FGF12: variants seen among roughly 807,000 people sequenced by gnomAD.
The protein encoded by FGF12 is fibroblast growth factor 12B.
FGF12 carries 14 observed loss-of-function variants against 23.6 expected under a neutral mutation model. The ratio of observed to expected loss-of-function variants is 0.59; its 90% CI spans 0.39 to 0.93. The LOEUF (loss-of-function observed/expected upper bound fraction) is 0.93, where lower values mean the gene tolerates loss of function less well. FGF12 is among the 40% of genes least tolerant of loss of function. The pLI, the probability that FGF12 is intolerant of heterozygous loss-of-function variation, is 0.00. For synonymous variants in FGF12, 62 were observed against 77.3 expected (o/e 0.80, Z 1.04); for missense variants, 175 against 217.8 (o/e 0.80, Z 1.24).
chr3:192,673,444 G>C (rs1474576525), intron 2 of FGF12, among the ~76,000 whole-genome samples: 2 of 150,448 alleles, frequency 1.3e-5, no homozygotes, highest in Non-Finnish European at 3.0e-5. Flanking sequence ...GGTTACATAG[G>C]TAAACGTATG....
intron 2 of FGF12, among the ~76,000 whole-genome samples, chr3:192,479,656 T>G (rs1723425235): frequency 6.6e-6 from 1 of 152,172 alleles, no homozygotes; most frequent in South Asian, 2.1e-4. Flanking sequence ...CCTAGTCTGG[T>G]TAAACAAAAT....
chr3:192,240,129 A>G (rs1719530049), intron 4 of FGF12, among the ~76,000 whole-genome samples: 1 of 152,160 alleles, frequency 6.6e-6, no homozygotes, highest in African/African-American at 2.4e-5. Context: ...ATCCATTAGT[A>G]TGCTGAAGGC....
intron 2 of FGF12, among the ~76,000 whole-genome samples, chr3:192,455,471 A>G (rs7645889): frequency 0.048 from 7,238 of 152,270 alleles, 596 homozygotes; most frequent in African/African-American, 0.16. Flanking sequence ...CAGAATAGAA[A>G]TGATAACATC....
intron 2 of FGF12, among the ~76,000 whole-genome samples, chr3:192,693,382 T>C (rs1010227147): frequency 1.3e-5 from 2 of 152,172 alleles, no homozygotes; most frequent in Non-Finnish European, 2.9e-5. Context: ...ATCCCTCTTA[T>C]AATTTCACTT....
rs576097223 is a variant in FGF12, at chr3:192,542,240, A to G, written c.14-181702T>C. Among the ~76,000 whole-genome samples, 324 of 152,076 alleles carry G rather than the reference A, an allele frequency of 2.1e-3. 1 individual carries two copies. Among genetic ancestry groups the G allele is most frequent in the African/African-American group, 7.6e-3 (316 of 41,460 alleles). On this transcript the variant is annotated intron_variant, in intron 2 of 5. Transcript: ENST00000445105. ...TTCCAAATAGCCTGCCTTCAAGCCC[A>G]CTAATTATCTCTTCCACCTGATTTA...
intron 2 of FGF12, among the ~76,000 whole-genome samples, chr3:192,501,093 G>C (rs937064840): frequency 6.6e-6 from 1 of 152,042 alleles, no homozygotes; most frequent in African/African-American, 2.4e-5. Flanking sequence ...GATAAGTAAA[G>C]TTAGATATAA....
At chr3:192,401,405 G>A (rs1270257327) in intron 2 of FGF12, among the ~76,000 whole-genome samples, 2 of 152,198 alleles carry the variant, frequency 1.3e-5, no homozygotes, top group South Asian at 2.1e-4. Context: ...ACTTGTGACA[G>A]AATGAGTGAA....
chr3:192,494,997 A>G (rs1723906399), intron 2 of FGF12, among the ~76,000 whole-genome samples: 1 of 152,112 alleles, frequency 6.6e-6, no homozygotes, highest in South Asian at 2.1e-4. Flanking sequence ...AGTAACTGAG[A>G]TTACAGGTGC....
intron 2 of FGF12, among the ~76,000 whole-genome samples, chr3:192,610,192 T>C (rs1714498378): frequency 6.6e-6 from 1 of 152,050 alleles, no homozygotes; most frequent in Admixed American, 6.6e-5. Flanking sequence ...TTCATCTATT[T>C]CCACCCGCTG....
chr3:192,618,322 A>G (rs1182636912), intron 2 of FGF12, among the ~76,000 whole-genome samples: 1 of 152,124 alleles, frequency 6.6e-6, no homozygotes, highest in African/African-American at 2.4e-5. Flanking sequence ...TTGCATTCCA[A>G]ACTGGTACAG....
chr3:192,650,774 TATA>T (rs1716187055), intron 2 of FGF12, among the ~76,000 whole-genome samples: 1 of 152,186 alleles, frequency 6.6e-6, no homozygotes, highest in Non-Finnish European at 1.5e-5. Context: ...TTTTAAAATA[TATA>T]ATAAAATAAT....
intron 4 of FGF12, among the ~76,000 whole-genome samples, chr3:192,183,202 A>G (rs1453715968): frequency 2.7e-5 from 4 of 149,062 alleles, no homozygotes; most frequent in African/African-American, 9.8e-5. Flanking sequence ...TTTTTTTTTT[A>G]GAAAAGCAAA....
intron 2 of FGF12, among the ~76,000 whole-genome samples, chr3:192,715,586 G>C (rs1292601100): frequency 2.0e-5 from 3 of 152,176 alleles, no homozygotes; most frequent in African/African-American, 7.2e-5. Flanking sequence ...ATTACATTTA[G>C]ATATTTAGTG....
chr3:192,668,851 A>G (rs1201103854), intron 2 of FGF12, among the ~76,000 whole-genome samples: 1 of 152,224 alleles, frequency 6.6e-6, no homozygotes, highest in African/African-American at 2.4e-5. Context: ...CACGAAATAG[A>G]GAAAATAGAT....
chr3:192,681,329 T>C (rs1717518938), intron 2 of FGF12, among the ~76,000 whole-genome samples: 1 of 152,206 alleles, frequency 6.6e-6, no homozygotes, highest in African/African-American at 2.4e-5. Context: ...GTTTCCACTC[T>C]GAGTGCCTAT....
At chr3:192,543,416 T>C (rs1367909771) in intron 2 of FGF12, among the ~76,000 whole-genome samples, 1 of 151,944 alleles carries the variant, frequency 6.6e-6, no homozygotes, top group East Asian at 1.9e-4. Flanking sequence ...TGGGATCCCC[T>C]CTGGTTCAGG....
At chr3:192,415,730 TCTCACA>T (rs1317459103) in intron 2 of FGF12, among the ~76,000 whole-genome samples, 9 of 60,292 alleles carry the variant, frequency 1.5e-4, no homozygotes, top group African/African-American at 5.1e-4. Context: ...TCTCTCTCTC[TCTCACA>T]CACACACACA....
chr3:192,479,054 C>T (rs775262364), intron 2 of FGF12, among the ~76,000 whole-genome samples: 10 of 152,164 alleles, frequency 6.6e-5, no homozygotes, highest in Non-Finnish European at 1.0e-4. Context: ...CACTGTGAAA[C>T]ATCATGCAGA....
intron 2 of FGF12, among the ~76,000 whole-genome samples, chr3:192,456,686 C>A (rs1722691957): frequency 6.6e-6 from 1 of 152,036 alleles, no homozygotes; most frequent in Admixed American, 6.6e-5. Flanking sequence ...TATGTATGAA[C>A]TCTTTGCAGA....
Sources: gnomAD v4.1 joint callset for allele counts (sites outside exome capture counted in the v4.1 genomes callset) on GRCh38, gnomAD v4.1.1 for gene constraint, MANE v1.5 for transcripts, NCBI Gene and HGNC (gene_info 2026-07-23, HGNC 2026-07-21) for gene names.